Variants in SLC35B2 observed in about 807,000 individuals in gnomAD.
The protein encoded by SLC35B2 is adenosine 3'-phospho 5'-phosphosulfate transporter 1.
Under a neutral mutation model 37.9 loss-of-function variants are expected in SLC35B2, and 19 were observed. That is an observed-to-expected ratio of 0.50 (90% CI 0.35 to 0.74). The LOEUF (loss-of-function observed/expected upper bound fraction) is 0.74. SLC35B2 is among the 30% of genes least tolerant of loss of function. The pLI is 0.01. For missense variants in SLC35B2, 633 were observed against 547.6 expected, an observed-to-expected ratio of 1.16 and a Z score of -1.56; for synonymous variants, 277 against 225.2, an observed-to-expected ratio of 1.23 and a Z score of -2.06.
Position 44,254,506 on chromosome 6 carries a change from ACTG to A in SLC35B2, c.*197_*199del. The A allele has an allele frequency of 3.2e-6, 2 of 615,456 alleles. No homozygotes were observed. The highest frequency in any genetic ancestry group is 3.1e-5 in the Admixed American group (1 of 31,870). 38.1% of individuals were successfully genotyped at this position (615,456 alleles called of 1,614,324 possible). On this transcript the variant is annotated 3_prime_UTR_variant, in exon 4 of 4. Coordinates refer to ENST00000393812, the MANE Select transcript of SLC35B2 (RefSeq NM_178148.4). ...TGTCTACCCCCGGGGCTCAGAATAA[ACTG>A]CTTACTGGAAGATGGGTGACTTAAG...
Position 44,255,008 on chromosome 6 carries a change from G to T in SLC35B2, c.997C>A (p.Arg333=), listed in dbSNP as rs778602962. The change falls in exon 4 of 4, where the codon CGA becomes AGA. Residue 333 remains arginine, a synonymous_variant. Transcript: ENST00000393812. ...GCATGGGCAGCAAACTCACTGTGTC[G>T]CCCCATGAAGCGGGTTCCCTCCAGT... ...ALLEGTRFMG[R]HSEFAAHALL... 1 of 1,614,198 alleles carries T rather than the reference G, an allele frequency of 6.2e-7. No homozygotes were observed. Among genetic ancestry groups the T allele is most frequent in the Admixed American group, 1.7e-5 (1 of 60,032 alleles).
Position 44,254,546 on chromosome 6 carries a change from G to T in SLC35B2, c.*160C>A. ...ATGGGTGACTTAAGGCAAAAGGGAA[G>T]GCTGCCTCCTGGGCTCCCCAATCCC... On this transcript the variant is annotated 3_prime_UTR_variant, in exon 4 of 4. Transcript: ENST00000393812. 2.5e-6 allele frequency: 2 copies of T among 802,958 alleles called. No individual in the cohort carries two copies. The highest frequency in any genetic ancestry group is 1.9e-6 in the Non-Finnish European group (1 of 519,430). 49.7% of individuals were successfully genotyped at this position (802,958 alleles called of 1,614,324 possible). A position where few individuals can be genotyped will look rare whatever the true frequency, so the allele number is the denominator to read the frequency against.
At position 44,254,620 on chromosome 6, in the gene SLC35B2, C is replaced by CT. The variant is rs1182425656; in HGVS notation, c.*85dup. 17 of 1,458,936 alleles carry CT rather than the reference C, an allele frequency of 1.2e-5. No individual in the cohort carries two copies. Among genetic ancestry groups the CT allele is most frequent in the Non-Finnish European group, 1.6e-5 (17 of 1,084,302 alleles). The allele number at this position is 1,458,936 out of a possible 1,614,324, so 90.4% of individuals were successfully genotyped here. Reference sequence around the variant, plus strand: ...ACTGAGAAAACACCTGCATTTTGCCCTTTCAGCCAGCTCCCTCAGAGGTTA... The same window carrying CT: ...ACTGAGAAAACACCTGCATTTTGCCCTTTTCAGCCAGCTCCCTCAGAGGTTA... On this transcript the variant is annotated 3_prime_UTR_variant, in exon 4 of 4. Transcript: ENST00000393812.
At position 44,255,496 on chromosome 6, in the gene SLC35B2, G is replaced by A. The variant is rs761408875; in HGVS notation, c.509C>T (p.Ser170Phe). Residue 170 changes from serine (S) to phenylalanine (F), a missense_variant, in exon 4 of 4, where the codon TCC becomes TTC. By Grantham distance (155) the Ser-to-Phe change is radical. Coordinates refer to ENST00000393812, the MANE Select transcript of SLC35B2 (RefSeq NM_178148.4). The part of the protein sequence containing the change: ...RVLALIVAGL[S>F]CVLCKQPRHG... ...CCGGGGCTGCTTGCAGAGAACACAG[G>A]AGAGGCCAGCCACAATCAGTGCCAG... The A allele has an allele frequency of 6.2e-7, 1 of 1,614,180 alleles. No individual in the cohort carries two copies. Among genetic ancestry groups the A allele is most frequent in the East Asian group, 2.2e-5 (1 of 44,878 alleles).
Position 44,254,878 on chromosome 6 carries a change from G to GC in SLC35B2, c.1126dup (p.Ala376GlyfsTer51). ...AAGGCAGGAAAGAAGGATGGCAAAGGCCTGGCGGAGGGTCATGATGATGGT... is the reference window on the plus strand; with the variant it reads ...AAGGCAGGAAAGAAGGATGGCAAAGGCCCTGGCGGAGGGTCATGATGATGGT... On this transcript the variant is annotated frameshift_variant, in exon 4 of 4. Coordinates refer to ENST00000393812, the MANE Select transcript of SLC35B2 (RefSeq NM_178148.4). LOFTEE classifies it high-confidence loss of function. The GC allele has an allele frequency of 6.2e-7, 1 of 1,614,232 alleles. No individual in the cohort carries two copies. Among genetic ancestry groups the GC allele is most frequent in the Non-Finnish European group, 8.5e-7 (1 of 1,180,040 alleles).
Position 44,255,071 on chromosome 6 carries a change from G to A in SLC35B2, c.934C>T (p.Leu312Phe), listed in dbSNP as rs778694937. Reference protein sequence around the residue: ...MMFGVNFFSCLFTVGSLLEQG... With the variant: ...MMFGVNFFSCFFTVGSLLEQG... ...TCTAGCAGTGAGCCCACTGTGAAGA[G>A]GCAGGAGAAGAAATTGACCCCAAAC... Residue 312 changes from leucine to phenylalanine, a missense_variant, in exon 4 of 4, where the codon CTC (leucine) becomes TTC (phenylalanine). Transcript: ENST00000393812. The A allele has an allele frequency of 6.2e-7, 1 of 1,614,226 alleles. No individual in the cohort carries two copies. The highest frequency in any genetic ancestry group is 8.5e-7 in the Non-Finnish European group (1 of 1,180,048).
upstream of SLC35B2, chr6:44,257,851 TGAA>T (rs2153330036): frequency 6.5e-6 from 1 of 152,682 alleles, no homozygotes; most frequent in Admixed American, 6.5e-5. Flanking sequence ...TCTGACAGGA[TGAA>T]GGTGTCTCCT....
Position 44,254,520 on chromosome 6 carries a change from G to C in SLC35B2, c.*186C>G. ...GCTCAGAATAAACTGCTTACTGGAAGATGGGTGACTTAAGGCAAAAGGGAA... is the reference window on the plus strand; with the variant it reads ...GCTCAGAATAAACTGCTTACTGGAACATGGGTGACTTAAGGCAAAAGGGAA... On this transcript the variant is annotated 3_prime_UTR_variant, in exon 4 of 4. Transcript: ENST00000393812. The C allele has an allele frequency of 1.5e-6, 1 of 646,420 alleles. No individual in the cohort carries two copies. The allele number at this position is 646,420 out of a possible 1,614,324, so 40.0% of individuals were successfully genotyped here.
At chr6:44,256,905 A>AC in intron 1 of SLC35B2, 27 bp from the exon 2 acceptor site, 1 of 1,581,932 alleles carries the variant, frequency 6.3e-7, no homozygotes, top group South Asian at 1.1e-5. Flanking sequence ...CATAAGGATT[A>AC]GGGCGCAGCT....
chr6:44,255,562 C>G lies in SLC35B2; in HGVS notation c.443G>C (p.Arg148Pro). The G allele has an allele frequency of 6.2e-7, 1 of 1,614,206 alleles. No homozygotes were observed. The highest frequency in any genetic ancestry group is 8.5e-7 in the Non-Finnish European group (1 of 1,180,046). Residue 148 changes from arginine to proline, a missense_variant, in exon 4 of 4, where the codon CGC (arginine) becomes CCC (proline). Coordinates refer to ENST00000393812, the MANE Select transcript of SLC35B2 (RefSeq NM_178148.4). ...YGATATSPGE[R>P]FTDSQFLVLM... ...CACCAGGAACTGCGAGTCCGTAAAG[C>G]GCTCACCCGGTGATGTGGCTGTGGC...
intron 3 of SLC35B2, 27 bp from the exon 4 acceptor site, chr6:44,255,671 G>C: frequency 6.3e-7 from 1 of 1,584,820 alleles, no homozygotes; most frequent in South Asian, 1.1e-5. Context: ...AGACAAAGGA[G>C]ACAATAAGCA....
At position 44,254,683 on chromosome 6, in the gene SLC35B2, C is replaced by A. The variant is rs369384422; in HGVS notation, c.*23G>T. 2 of 1,582,874 alleles carry A rather than the reference C, an allele frequency of 1.3e-6. No individual in the cohort carries two copies. The highest frequency in any genetic ancestry group is 1.7e-6 in the Non-Finnish European group (2 of 1,161,590). On this transcript the variant is annotated 3_prime_UTR_variant, in exon 4 of 4. Transcript: ENST00000393812. ...ATGGTGGGAGGGTCCTATTTCACTT[C>A]ACCCCTCAGGCCCTTTCCACCCTCA...
rs528603457 is a variant in SLC35B2 at position 44,254,721 on chromosome 6, A to C, written c.1284T>G (p.Pro428=). 3.1e-6 allele frequency: 5 copies of C among 1,612,236 alleles called. No individual in the cohort carries two copies. The South Asian group carries it at 4.4e-5, about 14-fold the overall frequency. ...RGKKAVPVES[P]VQKV is the part of the protein sequence containing the mutation. ...CTTTCCACCCTCAAACCTTCTGCAC[A>C]GGAGACTCAACAGGCACAGCCTTCT... Residue 428 remains proline, a synonymous_variant, in exon 4 of 4, where the codon CCT becomes CCG. Transcript: ENST00000393812.
At chr6:44,256,986 G>A (rs890511586) in intron 1 of SLC35B2, 108 bp from the exon 2 acceptor site, 4 of 1,211,752 alleles carry the variant, frequency 3.3e-6, no homozygotes, top group Non-Finnish European at 4.5e-6. Context: ...CGCCCCCTCC[G>A]CTGCAGCTCC....
In SLC35B2 at chr6:44,255,138, C is replaced by T. The variant is rs1280930697; in HGVS notation, c.867G>A (p.Gln289=). The T allele has an allele frequency of 4.3e-6, 7 of 1,614,098 alleles. No individual in the cohort carries two copies. The highest frequency in any genetic ancestry group is 5.9e-6 in the Non-Finnish European group (7 of 1,180,036). Residue 289 remains glutamine (Q), a synonymous_variant, in exon 4 of 4, where the codon CAG becomes CAA. Coordinates refer to ENST00000393812, the MANE Select transcript of SLC35B2 (RefSeq NM_178148.4). ...IAFDSFTSNW[Q]DALFAYKMSS... ...ACATCTTATAGGCAAACAGGGCATC[C>T]TGCCAGTTTGAGGTGAAGCTGTCAA...
Position 44,254,855 on chromosome 6 carries a change from G to A in SLC35B2, c.1150C>T (p.Leu384Phe), listed in dbSNP as rs760193934. ...ACAGTGACAGTGTGGCCATAGAGAA[G>A]GCAGGAAAGAAGGATGGCAAAGGCC... ...RQAFAILLSC[L>F]LYGHTVTVVG... The change falls in exon 4 of 4, where the codon CTT (leucine) becomes TTT (phenylalanine). Residue 384 changes from leucine to phenylalanine, a missense_variant. Coordinates refer to ENST00000393812, the MANE Select transcript of SLC35B2 (RefSeq NM_178148.4). 9 of 1,614,200 alleles carry A rather than the reference G, an allele frequency of 5.6e-6. No homozygotes were observed. The highest frequency in any genetic ancestry group is 1.7e-5 in the Admixed American group (1 of 60,022).
chr6:44,254,828 C>T lies in SLC35B2; in HGVS notation c.1177G>A (p.Val393Met), dbSNP rs200869630. 7.4e-6 allele frequency: 12 copies of T among 1,614,194 alleles called. No homozygotes were observed. In the East Asian group the frequency reaches 2.7e-4, roughly 36 times the overall value. Residue 393 changes from valine (V) to methionine (M), a missense_variant, in exon 4 of 4, where the codon GTG becomes ATG. Coordinates refer to ENST00000393812, the MANE Select transcript of SLC35B2 (RefSeq NM_178148.4). Reference sequence around the variant, plus strand: ...ACCACAGCCACCCCCAGCCCTCCCACCACAGTGACAGTGTGGCCATAGAGA... The same window carrying T: ...ACCACAGCCACCCCCAGCCCTCCCATCACAGTGACAGTGTGGCCATAGAGA... ...CLLYGHTVTV[V>M]GGLGVAVVFA...
chr6:44,255,488 G>A lies in SLC35B2; in HGVS notation c.517C>T (p.Leu173Phe). The A allele has an allele frequency of 2.5e-6, 4 of 1,614,222 alleles. No individual in the cohort carries two copies. The highest frequency in any genetic ancestry group is 3.4e-6 in the Non-Finnish European group (4 of 1,180,044). The stretch of plus-strand genomic sequence containing the variant: ...GCCCCATGCCGGGGCTGCTTGCAGA[G>A]AACACAGGAGAGGCCAGCCACAATC... ...ALIVAGLSCV[L>F]CKQPRHGAPM... Residue 173 changes from leucine to phenylalanine, a missense_variant, in exon 4 of 4, where the codon CTC becomes TTC. Physicochemically the swap from Leu to Phe is conservative, Grantham distance 22. Coordinates refer to ENST00000393812, the MANE Select transcript of SLC35B2 (RefSeq NM_178148.4).
rs751004107 is a variant in SLC35B2 at position 44,255,201 on chromosome 6, T to A, written c.804A>T (p.Thr268=). The A allele has an allele frequency of 1.9e-6, 3 of 1,613,572 alleles. No homozygotes were observed. The highest frequency in any genetic ancestry group is 2.5e-6 in the Non-Finnish European group (3 of 1,179,896). The change falls in exon 4 of 4, where the codon ACA becomes ACT. Residue 268 remains threonine (T), a synonymous_variant. Coordinates refer to ENST00000393812, the MANE Select transcript of SLC35B2 (RefSeq NM_178148.4). ...CTGCCAGTAAGATGAGGCCTGAGAG[T>A]GTGGTGGCTGGGGAGCTGCGGGGCT... ...GPEPRSSPAT[T]LSGLILLAGY... is the part of the protein sequence containing the mutation.
Sources: allele counts gnomAD v4.1 joint callset, GRCh38; gene constraint gnomAD v4.1.1; transcripts MANE v1.5; gene names NCBI Gene and HGNC (gene_info 2026-07-23, HGNC 2026-07-21).